The following LNPK variants were observed in gnomAD, a reference collection of about 807,000 sequenced individuals.
LNPK encodes lunapark, ER junction formation factor, also known as endoplasmic reticulum junction formation protein lunapark.
Under a neutral mutation model 55.2 loss-of-function variants are expected in LNPK, and 29 were observed. The ratio of observed to expected loss-of-function variants is 0.53; its 90% CI spans 0.39 to 0.72. The LOEUF is 0.72. LNPK is among the 30% of genes least tolerant of loss of function. LNPK has a pLI of 0.00. For synonymous variants in LNPK, 162 were observed against 168.2 expected (o/e 0.96, Z 0.29); for missense variants, 467 against 494.8 (o/e 0.94, Z 0.53).
At chr2:175,965,655 G>A (rs1293629762) in intron 6 of LNPK, among the ~76,000 whole-genome samples, 2 of 152,124 alleles carry the variant, frequency 1.3e-5, no homozygotes, top group Non-Finnish European at 2.9e-5. Flanking sequence ...TTAAGAGGTA[G>A]GTACTTAGAT....
intron 8 of LNPK, among the ~76,000 whole-genome samples, chr2:175,956,164 C>T (rs1171061000): frequency 6.6e-6 from 1 of 151,292 alleles, no homozygotes; most frequent in Non-Finnish European, 1.5e-5. Flanking sequence ...CTCGTAGTCC[C>T]AGCTACTCAG....
chr2:175,938,340 C>T lies in LNPK; in HGVS notation c.856G>A (p.Ala286Thr), dbSNP rs762094655. The T allele has an allele frequency of 4.9e-5, 78 of 1,601,752 alleles. No individual in the cohort carries two copies. Among genetic ancestry groups the T allele is most frequent in the Admixed American group, 1.3e-4 (8 of 59,716 alleles). ...CQQCFSHNGM[A>T]LKEEFEYIAF... ...ATGTATTCAAATTCTTCCTTCAAAGCCATGCCATTATGAGAAAAACACTGC... is the reference window on the plus strand; with the variant it reads ...ATGTATTCAAATTCTTCCTTCAAAGTCATGCCATTATGAGAAAAACACTGC... The change falls in exon 11 of 13, where the codon GCT (alanine) becomes ACT (threonine). Residue 286 changes from alanine (A) to threonine (T), a missense_variant. Transcript: ENST00000272748.
intron 4 of LNPK, among the ~76,000 whole-genome samples, chr2:175,988,889 T>A (rs1687562858): frequency 6.6e-6 from 1 of 152,172 alleles, no homozygotes; most frequent in Non-Finnish European, 1.5e-5. Context: ...TTCTCCTGCC[T>A]CAGTCTCCCA....
chr2:176,002,164 A>G lies in LNPK; in HGVS notation c.-67T>C, dbSNP rs1430107520. 1 of 445,458 alleles carries G rather than the reference A, an allele frequency of 2.2e-6. No homozygotes were observed. The allele number at this position is 445,458 out of a possible 1,614,324, so 27.6% of individuals were successfully genotyped here. A position where few individuals can be genotyped will look rare whatever the true frequency, so the allele number is the denominator to read the frequency against. ...CCCTCGCCTTGAGCGTTCTACCTGC[A>G]AGAAGCGGGCGCAGCCCGGCCCGGG... On this transcript the variant is annotated 5_prime_UTR_variant, in exon 1 of 13. Transcript: ENST00000272748.
chr2:175,996,234 T>C (rs956989794), intron 1 of LNPK, among the ~76,000 whole-genome samples: 1 of 152,216 alleles, frequency 6.6e-6, no homozygotes, highest in African/African-American at 2.4e-5. Context: ...TTTGCAATTT[T>C]CTATCCTTTA....
At chr2:175,997,473 T>A (rs548238836) in intron 1 of LNPK, among the ~76,000 whole-genome samples, 1 of 152,168 alleles carries the variant, frequency 6.6e-6, no homozygotes, top group Non-Finnish European at 1.5e-5. Context: ...ATTCTCAAAA[T>A]ATACATCATT....
intron 12 of LNPK, 76 bp from the exon 13 acceptor site, chr2:175,930,275 AACACACACACACACACACAC>A (rs35338571): frequency 5.1e-5 from 34 of 661,390 alleles, no homozygotes; most frequent in East Asian, 4.0e-4. Context: ...AAAAAAGATA[AACACACACACACACACACAC>A]ACACACACAC....
chr2:175,941,133 C>T (rs1684819206), intron 9 of LNPK: 5 of 357,002 alleles, frequency 1.4e-5, no homozygotes, highest in South Asian at 8.3e-5. Context: ...CACCTGTAGT[C>T]CCAGCTACTC....
chr2:175,971,043 C>A (rs1686638100), intron 5 of LNPK, among the ~76,000 whole-genome samples: 1 of 151,986 alleles, frequency 6.6e-6, no homozygotes, highest in African/African-American at 2.4e-5. Flanking sequence ...TATAAAGCAC[C>A]TTTCTAAATT....
chr2:175,987,176 T>C (rs904209566), intron 4 of LNPK, among the ~76,000 whole-genome samples: 1 of 152,182 alleles, frequency 6.6e-6, no homozygotes, highest in African/African-American at 2.4e-5. Flanking sequence ...TTACTGGGTA[T>C]ATACCCAAAG....
chr2:175,962,829 A>G (rs564852334), intron 8 of LNPK, among the ~76,000 whole-genome samples: 32 of 152,196 alleles, frequency 2.1e-4, no homozygotes, highest in African/African-American at 7.0e-4. Flanking sequence ...AATATCCAGA[A>G]TCTACAATGA....
At chr2:175,983,149 T>A (rs755215849) in intron 4 of LNPK, among the ~76,000 whole-genome samples, 3 of 152,084 alleles carry the variant, frequency 2.0e-5, no homozygotes, top group Non-Finnish European at 1.5e-5. Context: ...TTTGTAACAA[T>A]GAGAACAAGA....
At position 175,939,622 on chromosome 2, in the gene LNPK, T is replaced by C. The variant is rs201848822; in HGVS notation, c.742A>G (p.Ile248Val). 643 of 1,606,172 alleles carry C rather than the reference T, an allele frequency of 4.0e-4. No individual in the cohort carries two copies. Among genetic ancestry groups the C allele is most frequent in the Middle Eastern group, 4.0e-3 (24 of 6,030 alleles). The change falls in exon 10 of 13, where the codon ATT becomes GTT. Residue 248 changes from isoleucine to valine, a missense_variant. Physicochemically the swap from Ile to Val is conservative, Grantham distance 29. Coordinates refer to ENST00000272748, the MANE Select transcript of LNPK (RefSeq NM_030650.3). ...AAAGCACCTCGTTCTCGGGGGAGAA[T>C]AGGTCTTGCTAAAGGTGGACCTGGA... The part of the protein sequence containing the change: ...HPPGPPLARP[I>V]LPRERGALDR...
chr2:175,924,686 CA>C lies in LNPK; in HGVS notation c.*5280del, dbSNP rs781773457. 9,056 of 82,272 alleles carry C rather than the reference CA, an allele frequency of 0.11. 365 individuals are homozygous for C. Among genetic ancestry groups the C allele is most frequent in the Admixed American group, 0.16 (1,220 of 7,690 alleles). 5.1% of individuals were successfully genotyped at this position (82,272 alleles called of 1,614,324 possible). ...GCTGGGTAATTTACTGAAAAAAAAA[CA>C]AAACAAACAAAAAAAAAAAACAAAG... On this transcript the variant is annotated 3_prime_UTR_variant, in exon 13 of 13. Coordinates refer to ENST00000272748, the MANE Select transcript of LNPK (RefSeq NM_030650.3).
chr2:175,937,127 C>G (rs566689383), intron 12 of LNPK, among the ~76,000 whole-genome samples: 1 of 152,232 alleles, frequency 6.6e-6, no homozygotes, highest in South Asian at 2.1e-4. Flanking sequence ...ATTTAACTAG[C>G]TGATGTTAGA....
intron 8 of LNPK, among the ~76,000 whole-genome samples, chr2:175,951,007 A>G (rs1435672935): frequency 6.6e-6 from 1 of 152,172 alleles, no homozygotes. Context: ...CACAACTTAT[A>G]TAAAAACTTA....
chr2:175,934,617 G>A (rs982720650), intron 12 of LNPK, among the ~76,000 whole-genome samples: 3 of 151,944 alleles, frequency 2.0e-5, no homozygotes, highest in Admixed American at 2.0e-4. Context: ...GTACTCTAAT[G>A]ATTATCACAT....
chr2:175,962,108 C>T (rs373177751), intron 8 of LNPK, among the ~76,000 whole-genome samples: 3 of 152,092 alleles, frequency 2.0e-5, no homozygotes, highest in East Asian at 1.9e-4. Flanking sequence ...GAATCAATAT[C>T]GTGAAAATGG....
At chr2:175,936,353 C>T (rs917893847) in intron 12 of LNPK, among the ~76,000 whole-genome samples, 2 of 152,102 alleles carry the variant, frequency 1.3e-5, no homozygotes, top group African/African-American at 2.4e-5. Flanking sequence ...TTTCTGATAT[C>T]TGAAAATTCA....
Sources: allele counts gnomAD v4.1 joint callset (sites outside exome capture counted in the v4.1 genomes callset), GRCh38; gene constraint gnomAD v4.1.1; transcripts MANE v1.5; gene names NCBI Gene and HGNC (gene_info 2026-07-23, HGNC 2026-07-21).